Variants in MAML2 observed in about 807,000 individuals in gnomAD.
MAML2 encodes the protein mastermind-like protein 2.
In MAML2, 22 loss-of-function variants were observed where a neutral mutation model predicts 96.1. The observed-to-expected ratio is 0.23, with a 90% CI of 0.16 to 0.33. The LOEUF (loss-of-function observed/expected upper bound fraction) is 0.33. MAML2 is among the 10% of genes least tolerant of loss of function. MAML2 has a pLI of 1.00. For synonymous variants in MAML2, 561 were observed against 521.3 expected (o/e 1.08, Z -1.04); for missense variants, 1,367 against 1,392.4 (o/e 0.98, Z 0.29).
chr11:96,194,768 A>T (rs373545610), intron 1 of MAML2, among the ~76,000 whole-genome samples: 1 of 150,674 alleles, frequency 6.6e-6, no homozygotes, highest in Non-Finnish European at 1.5e-5. Flanking sequence ...CTTTATTCTC[A>T]GGAAGAAAAG....
intron 1 of MAML2, among the ~76,000 whole-genome samples, chr11:96,326,099 C>CCG (rs199867127): frequency 0.015 from 1,829 of 118,844 alleles, 51 homozygotes; most frequent in African/African-American, 0.058. Context: ...ACCCCGCCCC[C>CCG]CCCCCATTAA....
chr11:96,081,547 C>A (rs996538179), intron 2 of MAML2, among the ~76,000 whole-genome samples: 1 of 152,032 alleles, frequency 6.6e-6, no homozygotes, highest in African/African-American at 2.4e-5. Flanking sequence ...CACATTCTTC[C>A]TTTTGACCTT....
chr11:96,075,992 G>A lies in MAML2; in HGVS notation c.2139+15900C>T, dbSNP rs1859428293. Among the ~76,000 whole-genome samples the A allele has an allele frequency of 2.0e-5, 3 of 152,148 alleles. No homozygotes were observed. In the South Asian group the frequency reaches 6.2e-4, roughly 31 times the overall value. ...TGAACCTTGGGTGGCCCTGCTTTGT[G>A]GATCACATATCTCCCACATCTCTAC... is the stretch of plus-strand genomic sequence containing the variant. On this transcript the variant is annotated intron_variant, in intron 2 of 4. Coordinates refer to ENST00000524717, the MANE Select transcript of MAML2 (RefSeq NM_032427.4).
In MAML2 at chr11:96,175,037, A is replaced by G. The variant is rs1861361719; in HGVS notation, c.514-81520T>C. 4.6e-5 allele frequency among the ~76,000 whole-genome samples: 7 copies of G among 152,244 alleles called. No homozygotes were observed. The South Asian group carries it at 1.4e-3, about 31-fold the overall frequency. On this transcript the variant is annotated intron_variant, in intron 1 of 4. Transcript: ENST00000524717. The stretch of plus-strand genomic sequence containing the variant: ...TCCTTCTTAGCATGTTACACAAGCA[A>G]CGTTAAGCAAAGCAGGAAGGGGAAA...
chr11:96,326,961 T>C (rs1367448245), intron 1 of MAML2, among the ~76,000 whole-genome samples: 1 of 152,130 alleles, frequency 6.6e-6, no homozygotes, highest in African/African-American at 2.4e-5. Context: ...GAACGGAATA[T>C]AGGAAACAAC....
intron 1 of MAML2, among the ~76,000 whole-genome samples, chr11:96,219,169 C>T (rs796851215): frequency 3.3e-5 from 5 of 152,294 alleles, no homozygotes; most frequent in African/African-American, 1.2e-4. Flanking sequence ...ATAAATAAGG[C>T]CCTTCACATA....
intron 1 of MAML2, among the ~76,000 whole-genome samples, chr11:96,122,103 C>T (rs1591025879): frequency 6.6e-6 from 1 of 151,866 alleles, no homozygotes; most frequent in East Asian, 1.9e-4. Flanking sequence ...AGCCACCCCG[C>T]CCGGCCCCTG....
intron 2 of MAML2, among the ~76,000 whole-genome samples, chr11:96,024,275 C>T (rs991249464): frequency 2.6e-5 from 4 of 152,256 alleles, no homozygotes; most frequent in Non-Finnish European, 4.4e-5. Flanking sequence ...ACAGCCCCAA[C>T]TTCATAACTT....
chr11:96,015,395 G>C (rs1374338194), intron 2 of MAML2, among the ~76,000 whole-genome samples: 1 of 152,062 alleles, frequency 6.6e-6, no homozygotes, highest in Admixed American at 6.6e-5. Flanking sequence ...GGGTAGCAGT[G>C]AGTTTTAATT....
intron 1 of MAML2, among the ~76,000 whole-genome samples, chr11:96,333,254 A>T (rs1301669808): frequency 6.6e-6 from 1 of 152,204 alleles, no homozygotes; most frequent in Non-Finnish European, 1.5e-5. Context: ...GAACACTGTT[A>T]AAAACAAAAC....
chr11:96,043,120 A>T (rs1202492236), intron 2 of MAML2, among the ~76,000 whole-genome samples: 1 of 152,204 alleles, frequency 6.6e-6, no homozygotes, highest in Non-Finnish European at 1.5e-5. Context: ...AAAGAACACC[A>T]TCTTTATCTT....
chr11:96,078,297 A>C (rs1859475700), intron 2 of MAML2, among the ~76,000 whole-genome samples: 1 of 152,064 alleles, frequency 6.6e-6, no homozygotes, highest in Admixed American at 6.5e-5. Flanking sequence ...GAAATCATGG[A>C]TAGTACACTG....
intron 2 of MAML2, among the ~76,000 whole-genome samples, chr11:96,048,319 G>A (rs1469332655): frequency 6.6e-6 from 1 of 152,170 alleles, no homozygotes; most frequent in Admixed American, 6.5e-5. Context: ...TCAAAATGTA[G>A]TATAAAATTA....
chr11:96,326,973 T>G (rs6483497), intron 1 of MAML2, among the ~76,000 whole-genome samples: 64,987 of 151,860 alleles, frequency 0.43, 14,110 homozygotes, highest in African/African-American at 0.52. Flanking sequence ...GGAAACAACG[T>G]GAAATGCACA....
At chr11:96,095,994 G>T (rs1296525662) in intron 1 of MAML2, among the ~76,000 whole-genome samples, 1 of 152,184 alleles carries the variant, frequency 6.6e-6, no homozygotes, top group Non-Finnish European at 1.5e-5. Flanking sequence ...GAAACTCAGA[G>T]TTACCACTGT....
intron 1 of MAML2, among the ~76,000 whole-genome samples, chr11:96,293,113 TAA>T (rs1047698020): frequency 3.9e-5 from 6 of 152,190 alleles, no homozygotes; most frequent in Admixed American, 2.6e-4. Context: ...ACAACAGCTA[TAA>T]AGTCATGGAC....
intron 1 of MAML2, among the ~76,000 whole-genome samples, chr11:96,118,559 AG>A (rs1455621748): frequency 6.9e-6 from 1 of 145,960 alleles, no homozygotes; most frequent in African/African-American, 2.5e-5. Context: ...ATGTGTTTAT[AG>A]CAGTGTGAAA....
At chr11:96,178,268 G>A (rs1004296254) in intron 1 of MAML2, among the ~76,000 whole-genome samples, 1 of 151,996 alleles carries the variant, frequency 6.6e-6, no homozygotes, top group Admixed American at 6.6e-5. Flanking sequence ...GTGATAAACC[G>A]AGGTCGGCTG....
At chr11:96,138,249 T>G (rs1453429989) in intron 1 of MAML2, among the ~76,000 whole-genome samples, 2 of 152,138 alleles carry the variant, frequency 1.3e-5, no homozygotes, top group Admixed American at 1.3e-4. Context: ...CTGATACCTG[T>G]GTTTGTTGGC....
Sources: gnomAD v4.1 joint callset for allele counts (sites outside exome capture counted in the v4.1 genomes callset) on GRCh38, gnomAD v4.1.1 for gene constraint, MANE v1.5 for transcripts, NCBI Gene and HGNC (gene_info 2026-07-23, HGNC 2026-07-21) for gene names.